The following CHERP variants were observed in gnomAD, a reference collection of about 807,000 sequenced individuals.
CHERP encodes the protein calcium homeostasis endoplasmic reticulum protein, also known as ERPROT 213-21.
CHERP carries 8 observed loss-of-function variants against 113.8 expected under a neutral mutation model. That is an observed-to-expected ratio of 0.07 (90% CI 0.04 to 0.13). The LOEUF is 0.13. CHERP is among the 10% of genes least tolerant of loss of function. The pLI is 1.00. For synonymous variants in CHERP, 559 were observed against 524.5 expected (o/e 1.07, Z -0.90); for missense variants, 884 against 1,298.2 (o/e 0.68, Z 4.90).
At chr19:16,537,491 G>A (rs774710571) in intron 2 of CHERP, among the ~76,000 whole-genome samples, 41 of 151,206 alleles carry the variant, frequency 2.7e-4, no homozygotes, top group Middle Eastern at 3.5e-3. Context: ...CCAACTGCAC[G>A]GCCCACTGTG....
rs1238946561 is a variant in CHERP at position 16,525,675 on chromosome 19, C to A, written c.1308G>T (p.Pro436=). 2 of 1,509,888 alleles carry A rather than the reference C, an allele frequency of 1.3e-6. No homozygotes were observed. Among genetic ancestry groups the A allele is most frequent in the Non-Finnish European group, 1.8e-6 (2 of 1,130,100 alleles). The allele number at this position is 1,509,888 out of a possible 1,614,324, so 93.5% of individuals were successfully genotyped here. ...GGTGCGGGTAGGGTGGCTGCTCTGGCGGCTGCAAGGGAAGGGACAGGCTTG... is the reference window on the plus strand; with the variant it reads ...GGTGCGGGTAGGGTGGCTGCTCTGGAGGCTGCAAGGGAAGGGACAGGCTTG... The part of the protein sequence containing the change: ...HPVAPWGQQQ[P]PEQPPYPHHQ... Residue 436 remains proline, a splice_region_variant and synonymous_variant, in exon 10 of 17, where the codon CCG becomes CCT. Transcript: ENST00000546361. The surrounding 1 kb of genome is among the most constrained non-coding windows in gnomAD (Gnocchi z 6.5).
chr19:16,532,851 C>G lies in CHERP; in HGVS notation c.523-102G>C. 6.5e-6 allele frequency: 10 copies of G among 1,546,068 alleles called. No individual in the cohort carries two copies. Among genetic ancestry groups the G allele is most frequent in the Non-Finnish European group, 8.8e-6 (10 of 1,142,428 alleles). ...CACCATCAGCTCAGGGAAGGACACA[C>G]CATGAGCGTGGGGGGCACAGGGTCC... On this transcript the variant is annotated intron_variant, in intron 4 of 16. Transcript: ENST00000546361. The surrounding 1 kb of genome is among the most constrained non-coding windows in gnomAD (Gnocchi z 4.4).
Position 16,535,437 on chromosome 19 carries a change from G to A in CHERP, c.384+15C>T. On this transcript the variant is annotated intron_variant, in intron 3 of 16. Coordinates refer to ENST00000546361, the MANE Select transcript of CHERP (RefSeq NM_006387.6). This position sits in a 1 kb window ranked among gnomAD's most constrained non-coding sequence, Gnocchi z 4.3. ...GAGCTGCTGGTGTCTGGCCGAGGAG[G>A]CGGCGGGCCCATACCTGTCTGAGCG... 6.2e-7 allele frequency: 1 copy of A among 1,604,530 alleles called. No individual in the cohort carries two copies. The highest frequency in any genetic ancestry group is 1.7e-5 in the Admixed American group (1 of 58,746).
At chr19:16,521,080 GTCC>G (rs2085610292) in intron 12 of CHERP, 168 bp from the exon 13 acceptor site, 21 of 649,356 alleles carry the variant, frequency 3.2e-5, no homozygotes, top group South Asian at 3.2e-4. Flanking sequence ...CCACAGGGCT[GTCC>G]TCCTGCAGCC....
intron 12 of CHERP, 164 bp downstream of exon 12, chr19:16,521,357 C>T (rs2085613721): frequency 1.6e-6 from 1 of 625,966 alleles, no homozygotes; most frequent in Non-Finnish European, 2.7e-6. Flanking sequence ...TTGAGGGCCA[C>T]GTGTGTGCTG....
At position 16,519,132 on chromosome 19, in the gene CHERP, C is replaced by T; in HGVS notation, c.*27G>A. 2 of 1,599,856 alleles carry T rather than the reference C, an allele frequency of 1.3e-6. No homozygotes were observed. The highest frequency in any genetic ancestry group is 1.7e-6 in the Non-Finnish European group (2 of 1,173,426). ...AGGTCCCACAGCCGGCACCGCTGGC[C>T]ACCGGCGCGGCTCCCGGCATGGGCG... is the stretch of plus-strand genomic sequence containing the variant. On this transcript the variant is annotated 3_prime_UTR_variant, in exon 17 of 17. Transcript: ENST00000546361. This position sits in a 1 kb window ranked among gnomAD's most constrained non-coding sequence, Gnocchi z 6.0.
At chr19:16,522,476 G>A (rs916471227) in intron 11 of CHERP, among the ~76,000 whole-genome samples, 3 of 152,134 alleles carry the variant, frequency 2.0e-5, no homozygotes, top group African/African-American at 7.2e-5. Flanking sequence ...AGCCAGGATG[G>A]TCTCGATCTC....
In CHERP at chr19:16,520,211, G is replaced by T; in HGVS notation, c.2400C>A (p.Ser800=). ...TTCCTGGGGAGTACGACTTGGACCG[G>T]GACCGCGACTGGGACCGGGAGCGGC... ...SRSRSRSQSR[S]RSKSYSPGRR... is the part of the protein sequence containing the mutation. The change falls in exon 15 of 17, where the codon TCC becomes TCA. Residue 800 remains serine (S), a synonymous_variant. Transcript: ENST00000546361. This position sits in a 1 kb window ranked among gnomAD's most constrained non-coding sequence, Gnocchi z 4.0. 6.2e-7 allele frequency: 1 copy of T among 1,613,436 alleles called. No homozygotes were observed. The highest frequency in any genetic ancestry group is 8.5e-7 in the Non-Finnish European group (1 of 1,180,030).
At position 16,530,627 on chromosome 19, in the gene CHERP, A is replaced by G. The variant is rs762593897; in HGVS notation, c.834T>C (p.Ile278=). The change falls in exon 7 of 17, where the codon ATT becomes ATC. Residue 278 remains isoleucine (I), a synonymous_variant. Coordinates refer to ENST00000546361, the MANE Select transcript of CHERP (RefSeq NM_006387.6). This position sits in a 1 kb window ranked among gnomAD's most constrained non-coding sequence, Gnocchi z 4.1. The part of the protein sequence containing the change: ...EKNGYFDDSI[I]QQLQSPALGL... ...CCAGGGCTGGGCTCTGTAGCTGCTGAATGATGGAGTCATCGAAGTAGCCGT... is the reference window on the plus strand; with the variant it reads ...CCAGGGCTGGGCTCTGTAGCTGCTGGATGATGGAGTCATCGAAGTAGCCGT... 19 of 1,613,886 alleles carry G rather than the reference A, an allele frequency of 1.2e-5. No homozygotes were observed. Among genetic ancestry groups the G allele is most frequent in the Non-Finnish European group, 1.6e-5 (19 of 1,179,932 alleles).
Position 16,520,942 on chromosome 19 carries a change from A to G in CHERP, c.2115-30T>C, listed in dbSNP as rs1346284597. On this transcript the variant is annotated intron_variant, in intron 12 of 16. Coordinates refer to ENST00000546361, the MANE Select transcript of CHERP (RefSeq NM_006387.6). The surrounding 1 kb of genome is among the most constrained non-coding windows in gnomAD (Gnocchi z 4.0). ...AAGACACGGCATTCCGTGTGTGACC[A>G]CGTGACACCCACCCACAAGGAAGTC... 5 of 1,577,158 alleles carry G rather than the reference A, an allele frequency of 3.2e-6. No individual in the cohort carries two copies. Among genetic ancestry groups the G allele is most frequent in the Non-Finnish European group, 4.4e-6 (5 of 1,147,474 alleles).
intron 7 of CHERP, 58 bp from the exon 8 acceptor site, chr19:16,529,958 C>A: frequency 6.4e-7 from 1 of 1,556,598 alleles, no homozygotes; most frequent in Non-Finnish European, 8.7e-7. Flanking sequence ...CGCTGCCTGG[C>A]GCCAGAGGAC....
At chr19:16,528,662 T>A (rs1008241729) in intron 8 of CHERP, among the ~76,000 whole-genome samples, 1 of 152,196 alleles carries the variant, frequency 6.6e-6, no homozygotes, top group African/African-American at 2.4e-5. Flanking sequence ...AATTTTAAAA[T>A]CCTTTGCTAG....
intron 3 of CHERP, 23 bp from the exon 4 acceptor site, chr19:16,533,171 T>G (rs1399238465): frequency 1.3e-6 from 2 of 1,568,050 alleles, no homozygotes; most frequent in South Asian, 2.3e-5. Flanking sequence ...GTCGGTGGGG[T>G]CGAGAACACA....
rs1568263805 is a variant in CHERP, at chr19:16,535,575, C to G, written c.261G>C (p.Gln87His). The G allele has an allele frequency of 1.3e-6, 2 of 1,562,764 alleles. No individual in the cohort carries two copies. The highest frequency in any genetic ancestry group is 1.2e-5 in the South Asian group (1 of 86,002). ...EPAATMPPLP[Q>H]PPLAPAAPIP... ...TGGGCGCGGCGGGGGCCAGCGGGGG[C>G]TGTGGCAGGGGTGGCATGGTGGCGG... The change falls in exon 3 of 17, where the codon CAG becomes CAC. Residue 87 changes from glutamine to histidine, a missense_variant. Around this residue, in one of 8 missense-constraint regions of CHERP, gnomAD observed 109 missense variants for 134.2 expected, o/e 0.81. Coordinates refer to ENST00000546361, the MANE Select transcript of CHERP (RefSeq NM_006387.6). This position sits in a 1 kb window ranked among gnomAD's most constrained non-coding sequence, Gnocchi z 4.3.
intron 12 of CHERP, 181 bp from the exon 13 acceptor site, chr19:16,521,093 C>A: frequency 1.6e-6 from 1 of 632,186 alleles, no homozygotes; most frequent in Non-Finnish European, 2.9e-6. Context: ...CTCCTGCAGC[C>A]CAGTGGCTCC....
In CHERP at chr19:16,525,755, T is replaced by C; in HGVS notation, c.1306-78A>G. On this transcript the variant is annotated intron_variant, in intron 9 of 16. Coordinates refer to ENST00000546361, the MANE Select transcript of CHERP (RefSeq NM_006387.6). The surrounding 1 kb of genome is among the most constrained non-coding windows in gnomAD (Gnocchi z 6.5). The stretch of plus-strand genomic sequence containing the variant: ...GGCAGCATCACAGCGCTCGGCAGCA[T>C]CACAGCGCTGGCTCAGACCATGGAG... 2.3e-6 allele frequency: 3 copies of C among 1,311,384 alleles called. No individual in the cohort carries two copies. The highest frequency in any genetic ancestry group is 3.0e-6 in the Non-Finnish European group (3 of 992,348). The allele number at this position is 1,311,384 out of a possible 1,614,324, so 81.2% of individuals were successfully genotyped here.
chr19:16,521,800 G>C (rs2085618034), intron 11 of CHERP, 146 bp from the exon 12 acceptor site: 1 of 693,386 alleles, frequency 1.4e-6, no homozygotes, highest in Non-Finnish European at 2.2e-6. Context: ...CTTCCCTCTT[G>C]GGGATCCCAC....
chr19:16,525,017 G>C lies in CHERP; in HGVS notation c.1741+225C>G, dbSNP rs2085647417. Among the ~76,000 whole-genome samples the C allele has an allele frequency of 6.6e-6, 1 of 152,154 alleles. No homozygotes were observed. Among genetic ancestry groups the C allele is most frequent in the Admixed American group, 6.5e-5 (1 of 15,272 alleles). On this transcript the variant is annotated intron_variant, in intron 10 of 16. Coordinates refer to ENST00000546361, the MANE Select transcript of CHERP (RefSeq NM_006387.6). The surrounding 1 kb of genome is among the most constrained non-coding windows in gnomAD (Gnocchi z 6.5). ...CCACGGCAGGAACCTTTTCCTACTG[G>C]CTCTGCCTCATCTGCAGCCAGCCGG...
chr19:16,521,484 A>C, intron 12 of CHERP, 37 bp downstream of exon 12: 1 of 1,512,106 alleles, frequency 6.6e-7, no homozygotes, highest in Non-Finnish European at 8.8e-7. Flanking sequence ...GAGGGGACAG[A>C]GGCCTCCCGC....
Sources: allele counts gnomAD v4.1 joint callset (sites outside exome capture counted in the v4.1 genomes callset), GRCh38; gene constraint gnomAD v4.1.1; regional missense constraint gnomAD v4.1.1; non-coding constraint Gnocchi (gnomAD v3.1); transcripts MANE v1.5; gene names NCBI Gene and HGNC (gene_info 2026-07-23, HGNC 2026-07-21).